The following MAP4K4 variants were observed in gnomAD, a reference collection of about 807,000 sequenced individuals.
The protein encoded by MAP4K4 is HPK/GCK-like kinase HGK.
A neutral mutation model predicts 189.6 loss-of-function variants in MAP4K4; 38 were observed. The ratio of observed to expected loss-of-function variants is 0.20; its 90% confidence interval spans 0.15 to 0.26. MAP4K4 has a LOEUF of 0.26. Ranked by LOEUF, MAP4K4 falls within the 10% of genes least tolerant of loss-of-function variation. The probability of loss-of-function intolerance (pLI) is 1.00; values close to 1 mark genes in which losing one functional copy is unlikely to be tolerated. For synonymous variants in MAP4K4, 610 were observed against 624.3 expected (o/e 0.98, Z 0.34); for missense variants, 1,054 against 1,726.9 (o/e 0.61, Z 6.91).
intron 12 of MAP4K4, among the ~76,000 whole-genome samples, chr2:101,853,950 G>A (rs1052859488): frequency 6.6e-6 from 1 of 152,142 alleles, no homozygotes; most frequent in Admixed American, 6.5e-5. Context: ...GAAATTGTGT[G>A]TAACATGTTA....
At chr2:101,879,122 G>A (rs1200657090) in intron 27 of MAP4K4, among the ~76,000 whole-genome samples, 1 of 148,520 alleles carries the variant, frequency 6.7e-6, no homozygotes, top group East Asian at 2.0e-4. Flanking sequence ...TTTTGCCTGG[G>A]ATATCGAGGC....
intron 2 of MAP4K4, among the ~76,000 whole-genome samples, chr2:101,728,024 G>A (rs989698856): frequency 7.2e-5 from 11 of 152,188 alleles, no homozygotes; most frequent in African/African-American, 2.4e-4. Flanking sequence ...GGGAGAAAAC[G>A]TGTAGCATCA....
intron 2 of MAP4K4, among the ~76,000 whole-genome samples, chr2:101,766,438 C>T (rs1044221794): frequency 6.6e-6 from 1 of 152,092 alleles, no homozygotes; most frequent in Admixed American, 6.5e-5. Flanking sequence ...CTCTGGAGAC[C>T]TGGAGCAGTC....
At chr2:101,860,197 G>A (rs2097596087) in intron 15 of MAP4K4, 1 of 371,342 alleles carries the variant, frequency 2.7e-6, no homozygotes, top group Non-Finnish European at 5.1e-6. Context: ...ATTCTGCCAA[G>A]CTAGTATAAA....
chr2:101,751,645 G>A (rs2069046510), intron 2 of MAP4K4, among the ~76,000 whole-genome samples: 1 of 152,214 alleles, frequency 6.6e-6, no homozygotes, highest in South Asian at 2.1e-4. Context: ...CAGGCATTAA[G>A]CAGACAACTC....
At chr2:101,781,434 G>A (rs149160598) in intron 2 of MAP4K4, among the ~76,000 whole-genome samples, 1,620 of 152,230 alleles carry the variant, frequency 0.011, 17 homozygotes, top group Middle Eastern at 0.041. Flanking sequence ...GGAATTTATT[G>A]GCTCATGACT....
intron 2 of MAP4K4, among the ~76,000 whole-genome samples, chr2:101,763,751 C>T (rs922214130): frequency 6.6e-6 from 1 of 152,090 alleles, no homozygotes; most frequent in Admixed American, 6.5e-5. Flanking sequence ...CTATGAGAAA[C>T]AAAGGTGAGG....
At position 101,807,439 on chromosome 2, in the gene MAP4K4, G is replaced by A. The variant is rs79417565; in HGVS notation, c.181-16489G>A. ...GAGGAACTGACTACCTTCACAGAAG[G>A]TGCTTTATAATGACATCATAGTTCA... On this transcript the variant is annotated intron_variant, in intron 3 of 32. Transcript: ENST00000324219. Among the ~76,000 whole-genome samples, 1,152 of 152,176 alleles carry A rather than the reference G, an allele frequency of 7.6e-3. 5 individuals are homozygous for A. The highest frequency in any genetic ancestry group is 0.031 in the Middle Eastern group (9 of 294).
rs1038990850 is a variant in MAP4K4 at position 101,860,642 on chromosome 2, T to C, written c.1705-183T>C. 1.2e-5 allele frequency: 6 copies of C among 521,498 alleles called. No homozygotes were observed. In the South Asian group the frequency reaches 1.6e-4, roughly 14 times the overall value. The allele number at this position is 521,498 out of a possible 1,614,324, so 32.3% of individuals were successfully genotyped here. A position where few individuals can be genotyped will look rare whatever the true frequency, so the allele number is the denominator to read the frequency against. On this transcript the variant is annotated intron_variant, in intron 15 of 32. Transcript: ENST00000324219. Reference sequence around the variant, plus strand: ...TTTTTATCTTCATAAATATTTTCTTTTTCCTGAATCTAATCCTAGCACTGC... The same window carrying C: ...TTTTTATCTTCATAAATATTTTCTTCTTCCTGAATCTAATCCTAGCACTGC...
intron 5 of MAP4K4, among the ~76,000 whole-genome samples, chr2:101,826,296 A>G (rs1030569487): frequency 6.6e-6 from 1 of 152,180 alleles, no homozygotes; most frequent in East Asian, 1.9e-4. Context: ...TATATTTAAG[A>G]TTCATAGAGG....
rs775347340 is a variant in MAP4K4 at position 101,867,228 on chromosome 2, A to G, written c.2373A>G (p.Glu791=). ...ACCCAACAGCATCATCCAAGTCTGA[A>G]GGCTCTCCATCTCAGCGCCTGGAAA... is the stretch of plus-strand genomic sequence containing the variant. The change falls in exon 20 of 33, where the codon GAA becomes GAG. Residue 791 remains glutamate, a synonymous_variant. Coordinates refer to ENST00000324219, the Ensembl canonical transcript of MAP4K4. 22 of 1,603,374 alleles carry G rather than the reference A, an allele frequency of 1.4e-5. No homozygotes were observed. In the African/African-American group the frequency reaches 2.5e-4, roughly 19 times the overall value.
chr2:101,831,229 A>C (rs1413174333), intron 6 of MAP4K4, among the ~76,000 whole-genome samples: 1 of 152,020 alleles, frequency 6.6e-6, no homozygotes, highest in South Asian at 2.1e-4. Context: ...TTGTTTGTGA[A>C]TATGTGATTT....
intron 3 of MAP4K4, 62 bp downstream of exon 3, chr2:101,790,838 A>C (rs2092750928): frequency 2.3e-6 from 3 of 1,332,658 alleles, no homozygotes; most frequent in Non-Finnish European, 3.2e-6. Flanking sequence ...TTCCCCCAAC[A>C]ACACAGAGTA....
chr2:101,820,144 A>G (rs1395376124), intron 3 of MAP4K4, among the ~76,000 whole-genome samples: 1 of 152,250 alleles, frequency 6.6e-6, no homozygotes, highest in African/African-American at 2.4e-5. Context: ...AAAGAAAAAA[A>G]TATAAATGGA....
chr2:101,765,532 C>G (rs2078275574), intron 2 of MAP4K4, among the ~76,000 whole-genome samples: 1 of 151,960 alleles, frequency 6.6e-6, no homozygotes, highest in Non-Finnish European at 1.5e-5. Context: ...ATGATGTTGC[C>G]CAGGCTGGTG....
chr2:101,858,935 C>A, intron 13 of MAP4K4, 61 bp from the exon 14 acceptor site: 4 of 1,247,098 alleles, frequency 3.2e-6, no homozygotes, highest in Admixed American at 1.7e-5. Context: ...GTGCTCCATT[C>A]AGGTGGTTCT....
At chr2:101,874,100 G>A (rs910184648) in exon 26 of MAP4K4, 1 of 1,613,344 alleles carries the variant, frequency 6.2e-7, no homozygotes. Flanking sequence ...TCCTGTGATG[G>A]GATGAGACCA....
chr2:101,871,545 G>A lies in MAP4K4; in HGVS notation c.2812G>A (p.Gly938Ser), dbSNP rs767548846. The A allele has an allele frequency of 3.1e-4, 474 of 1,536,000 alleles. No individual in the cohort carries two copies. The highest frequency in any genetic ancestry group is 5.0e-4 in the Middle Eastern group (3 of 6,010). Residue 938 changes from glycine to serine, a missense_variant, in exon 24 of 33, where the codon GGT (glycine) becomes AGT (serine). This residue lies in a region of MAP4K4 where 646 missense variants were observed against 796.2 expected (regional missense o/e 0.81). Coordinates refer to ENST00000324219, the Ensembl canonical transcript of MAP4K4. Reference sequence around the variant, plus strand: ...CCATCATGAGAGCAATGGCTTTGCCGGTCGCATTCACCTCTTGCCAGATCT... The same window carrying A: ...CCATCATGAGAGCAATGGCTTTGCCAGTCGCATTCACCTCTTGCCAGATCT...
chr2:101,717,954 TAA>T (rs545554743), intron 2 of MAP4K4, among the ~76,000 whole-genome samples: 1 of 144,394 alleles, frequency 6.9e-6, no homozygotes, highest in Non-Finnish European at 1.5e-5. Flanking sequence ...TGTGTGTTAT[TAA>T]AAAAAAAAAA....
Sources: allele counts gnomAD v4.1 joint callset (sites outside exome capture counted in the v4.1 genomes callset), GRCh38; gene constraint gnomAD v4.1.1; regional missense constraint gnomAD v4.1.1; transcripts MANE v1.5; gene names NCBI Gene and HGNC (gene_info 2026-07-23, HGNC 2026-07-21).